The following ARHGEF28 variants were observed in gnomAD, a reference collection of about 807,000 sequenced individuals.
ARHGEF28 encodes 190 kDa guanine nucleotide exchange factor.
ARHGEF28 carries 152 observed loss-of-function variants against 206.6 expected under a neutral mutation model. That is an observed-to-expected ratio of 0.74 (90% CI 0.64 to 0.84). ARHGEF28 has a LOEUF of 0.84. ARHGEF28 is among the 40% of genes least tolerant of loss of function. The pLI is 0.00. For synonymous variants in ARHGEF28, 763 were observed against 776.4 expected (o/e 0.98, Z 0.29); for missense variants, 2,028 against 2,073.2 (o/e 0.98, Z 0.42).
In ARHGEF28 at chr5:73,718,918, T is replaced by C. The variant is rs570410065; in HGVS notation, c.34-30919T>C. On this transcript the variant is annotated intron_variant, in intron 2 of 35. Coordinates refer to ENST00000513042, the MANE Select transcript of ARHGEF28 (RefSeq NM_001177693.2). Reference sequence around the variant, plus strand: ...CTTCCCTCACCCAGCCTCTCGGCATTGCTGTGTTTACTGTGCTCTGTTCAT... The same window carrying C: ...CTTCCCTCACCCAGCCTCTCGGCATCGCTGTGTTTACTGTGCTCTGTTCAT... Among the ~76,000 whole-genome samples, 92 of 152,306 alleles carry C rather than the reference T, an allele frequency of 6.0e-4. 1 individual carries two copies. In the South Asian group the frequency reaches 0.019, roughly 31 times the overall value.
intron 10 of ARHGEF28, among the ~76,000 whole-genome samples, chr5:73,838,014 C>G (rs750275689): frequency 1.3e-5 from 2 of 152,162 alleles, no homozygotes; most frequent in African/African-American, 4.8e-5. Flanking sequence ...ACTGGGATTA[C>G]AGGCATGAGC....
At chr5:73,809,582 A>T (rs550620364) in intron 9 of ARHGEF28, among the ~76,000 whole-genome samples, 5 of 152,336 alleles carry the variant, frequency 3.3e-5, no homozygotes, top group African/African-American at 1.2e-4. Flanking sequence ...AGGATGAGAA[A>T]ACTGTGCAAA....
At chr5:73,837,470 A>G (rs1757715793) in intron 10 of ARHGEF28, among the ~76,000 whole-genome samples, 1 of 152,092 alleles carries the variant, frequency 6.6e-6, no homozygotes, top group Non-Finnish European at 1.5e-5. Context: ...AGCTGTTTAA[A>G]TAAAATACTT....
intron 6 of ARHGEF28, among the ~76,000 whole-genome samples, chr5:73,777,438 C>T (rs758327029): frequency 6.6e-6 from 1 of 152,136 alleles, no homozygotes; most frequent in Non-Finnish European, 1.5e-5. Context: ...CATTCCTTCA[C>T]AAGACACAGG....
chr5:73,727,444 C>T (rs765323593), intron 2 of ARHGEF28, among the ~76,000 whole-genome samples: 7 of 152,162 alleles, frequency 4.6e-5, no homozygotes, highest in Admixed American at 6.5e-5. Flanking sequence ...GCAATTCCCT[C>T]TAATGACAGG....
chr5:73,640,029 G>A (rs16870655), intron 1 of ARHGEF28, among the ~76,000 whole-genome samples: 4,745 of 152,226 alleles, frequency 0.031, 275 homozygotes, highest in African/African-American at 0.11. Context: ...ATGCACATAC[G>A]GGAAATAGCT....
At chr5:73,659,262 A>G (rs1433327691) in intron 1 of ARHGEF28, among the ~76,000 whole-genome samples, 1 of 152,206 alleles carries the variant, frequency 6.6e-6, no homozygotes, top group Non-Finnish European at 1.5e-5. Context: ...AGTGAACAAG[A>G]TAGGTAAAAG....
intron 25 of ARHGEF28, among the ~76,000 whole-genome samples, chr5:73,886,764 C>A (rs1761326613): frequency 6.6e-6 from 1 of 152,208 alleles, no homozygotes; most frequent in Non-Finnish European, 1.5e-5. Flanking sequence ...GCTCATGTCT[C>A]CTCCCAGAGA....
chr5:73,872,520 A>T (rs1206563957), intron 21 of ARHGEF28, among the ~76,000 whole-genome samples: 1 of 152,214 alleles, frequency 6.6e-6, no homozygotes, highest in African/African-American at 2.4e-5. Context: ...TTGGAGACAG[A>T]TTCTGCCATA....
chr5:73,832,248 CTT>C, intron 9 of ARHGEF28, 88 bp from the exon 10 acceptor site: 1 of 1,453,346 alleles, frequency 6.9e-7, no homozygotes, highest in Non-Finnish European at 9.2e-7. Context: ...ATGCACTTGA[CTT>C]TTTTTCTTAT....
chr5:73,738,389 T>G (rs2112367789), intron 2 of ARHGEF28, among the ~76,000 whole-genome samples: 1 of 152,256 alleles, frequency 6.6e-6, no homozygotes, highest in Non-Finnish European at 1.5e-5. Flanking sequence ...ATTGTACATT[T>G]CTGAATCTCT....
intron 1 of ARHGEF28, among the ~76,000 whole-genome samples, chr5:73,677,689 T>C (rs1428525600): frequency 6.6e-6 from 1 of 152,268 alleles, no homozygotes; most frequent in Non-Finnish European, 1.5e-5. Flanking sequence ...TAATACTGTA[T>C]CTTGATGTTC....
chr5:73,888,168 C>T lies in ARHGEF28; in HGVS notation c.3387+489C>T, dbSNP rs569158033. On this transcript the variant is annotated intron_variant, in intron 26 of 35. Transcript: ENST00000513042. Reference sequence around the variant, plus strand: ...GCCCTGCTCTCCCACTTACTAACCCCGTGACTGCCATCGTGTGCCTTCTGC... The same window carrying T: ...GCCCTGCTCTCCCACTTACTAACCCTGTGACTGCCATCGTGTGCCTTCTGC... 5.3e-5 allele frequency among the ~76,000 whole-genome samples: 8 copies of T among 152,344 alleles called. No homozygotes were observed. The East Asian group carries it at 7.7e-4, about 15-fold the overall frequency.
intron 2 of ARHGEF28, among the ~76,000 whole-genome samples, chr5:73,732,034 T>A (rs1273274296): frequency 1.0e-4 from 15 of 145,716 alleles, no homozygotes; most frequent in Admixed American, 6.2e-4. Flanking sequence ...TTTTTTTTTT[T>A]AACAATTGAT....
chr5:73,665,752 C>T (rs1314859290), intron 1 of ARHGEF28, among the ~76,000 whole-genome samples: 2 of 152,074 alleles, frequency 1.3e-5, no homozygotes, highest in African/African-American at 4.8e-5. Flanking sequence ...GCAGAGTCCT[C>T]ATGACCTAAT....
intron 31 of ARHGEF28, 34 bp from the exon 32 acceptor site, chr5:73,904,188 G>T (rs371056518): frequency 6.8e-6 from 11 of 1,607,784 alleles, no homozygotes; most frequent in Non-Finnish European, 9.4e-6. Context: ...GAAGTAGAAT[G>T]GTTATTCATT....
intron 35 of ARHGEF28, among the ~76,000 whole-genome samples, chr5:73,915,855 T>C (rs576365156): frequency 1.1e-4 from 16 of 152,338 alleles, no homozygotes; most frequent in South Asian, 4.1e-4. Context: ...CCAAAAGTTC[T>C]CTTCAGTTCA....
intron 4 of ARHGEF28, among the ~76,000 whole-genome samples, chr5:73,767,708 T>C (rs1241918619): frequency 2.0e-5 from 3 of 152,116 alleles, no homozygotes; most frequent in African/African-American, 4.8e-5. Flanking sequence ...GGCCTGACAA[T>C]GCAATAGAAA....
At chr5:73,720,650 C>G (rs948231958) in intron 2 of ARHGEF28, among the ~76,000 whole-genome samples, 1 of 152,204 alleles carries the variant, frequency 6.6e-6, no homozygotes, top group African/African-American at 2.4e-5. Flanking sequence ...AAATGTCCTC[C>G]TCTGAGCCTT....
Sources: gnomAD v4.1 joint callset for allele counts (sites outside exome capture counted in the v4.1 genomes callset) on GRCh38, gnomAD v4.1.1 for gene constraint, MANE v1.5 for transcripts, NCBI Gene and HGNC (gene_info 2026-07-23, HGNC 2026-07-21) for gene names.